Variants in GLDC observed in about 807,000 individuals in gnomAD.
The protein encoded by GLDC is glycine dehydrogenase (decarboxylating), mitochondrial.
In GLDC, 104 loss-of-function variants were observed where a neutral mutation model predicts 121.3. The ratio of observed to expected loss-of-function variants is 0.86; its 90% confidence interval spans 0.73 to 1.01. The LOEUF is 1.01. Ranked by LOEUF, GLDC falls within the 50% of genes least tolerant of loss-of-function variation. The probability of loss-of-function intolerance (pLI) is 0.00; values close to 1 mark genes in which losing one functional copy is unlikely to be tolerated. For missense variants in GLDC, 1,429 were observed against 1,306.6 expected (o/e 1.09, Z -1.44); for synonymous variants, 546 against 480.6 (o/e 1.14, Z -1.78).
At chr9:6,585,856 GTATGTATGTATGTATC>G (rs1374052348) in intron 15 of GLDC, among the ~76,000 whole-genome samples, 2 of 97,782 alleles carry the variant, frequency 2.0e-5, no homozygotes, top group Non-Finnish European at 4.9e-5. Context: ...ATGTATGTAT[GTATGTATGTATGTATC>G]TATCTATCTA....
At chr9:6,553,572 G>C in intron 19 of GLDC, 63 bp from the exon 20 acceptor site, 2 of 1,521,882 alleles carry the variant, frequency 1.3e-6, no homozygotes, top group Non-Finnish European at 1.8e-6. Flanking sequence ...TAATGGGAAG[G>C]TTCTGGGCCC....
intron 21 of GLDC, among the ~76,000 whole-genome samples, chr9:6,544,638 C>CAA (rs5896155): frequency 4.7e-5 from 5 of 105,674 alleles, no homozygotes; most frequent in South Asian, 3.0e-4. Context: ...GACTCTGTCT[C>CAA]AAAAAAAAAA....
At chr9:6,594,192 G>A (rs1044110017) in intron 9 of GLDC, among the ~76,000 whole-genome samples, 1 of 151,992 alleles carries the variant, frequency 6.6e-6, no homozygotes, top group Non-Finnish European at 1.5e-5. Context: ...GCTTTATTTT[G>A]TATCTCTTTC....
At chr9:6,645,184 C>T (rs568239267) in intron 1 of GLDC, 61 bp downstream of exon 1, 2 of 1,478,246 alleles carry the variant, frequency 1.4e-6, no homozygotes, top group Non-Finnish European at 1.8e-6. Context: ...CGGGAGGCCG[C>T]GCAGGCAGAG....
At chr9:6,611,291 C>A (rs573777770) in intron 3 of GLDC, among the ~76,000 whole-genome samples, 3 of 152,356 alleles carry the variant, frequency 2.0e-5, no homozygotes, top group Admixed American at 6.5e-5. Flanking sequence ...CAGGCGAGAG[C>A]TACCACACCT....
chr9:6,639,141 A>G, intron 2 of GLDC: 2 of 746,814 alleles, frequency 2.7e-6, no homozygotes, highest in Admixed American at 1.9e-5. Context: ...TTTTCACAAG[A>G]TGGCGCCGAA....
At position 6,554,964 on chromosome 9, in the gene GLDC, G is replaced by T. The variant is rs1817592295; in HGVS notation, c.2203-183C>A. 4 of 663,300 alleles carry T rather than the reference G, an allele frequency of 6.0e-6. No individual in the cohort carries two copies. The South Asian group carries it at 6.5e-5, about 11-fold the overall frequency. The allele number at this position is 663,300 out of a possible 1,614,324, so 41.1% of individuals were successfully genotyped here. A position where few individuals can be genotyped will look rare whatever the true frequency, so the allele number is the denominator to read the frequency against. ...GTTCCGTAGTCACAAACTGGCATCC[G>T]ATAGGCAGAGTGCTTGTGGTTGCTA... On this transcript the variant is annotated intron_variant, in intron 18 of 24. Coordinates refer to ENST00000321612, the MANE Select transcript of GLDC (RefSeq NM_000170.3).
chr9:6,617,079 C>G lies in GLDC; in HGVS notation c.470+3105G>C, dbSNP rs192245165. On this transcript the variant is annotated intron_variant, in intron 3 of 24. Coordinates refer to ENST00000321612, the MANE Select transcript of GLDC (RefSeq NM_000170.3). ...TGTTTGTTTTCTTTCGAGGCTATGTCATCCATTTATTTTCCCCTCACGTCT... is the reference window on the plus strand; with the variant it reads ...TGTTTGTTTTCTTTCGAGGCTATGTGATCCATTTATTTTCCCCTCACGTCT... Among the ~76,000 whole-genome samples, 3 of 152,224 alleles carry G rather than the reference C, an allele frequency of 2.0e-5. No homozygotes were observed. The East Asian group carries it at 5.8e-4, about 29-fold the overall frequency.
At chr9:6,620,952 G>A (rs1362707613) in intron 2 of GLDC, among the ~76,000 whole-genome samples, 1 of 152,176 alleles carries the variant, frequency 6.6e-6, no homozygotes, top group Admixed American at 6.5e-5. Flanking sequence ...CGGATCACCT[G>A]AGGTCAGGAG....
chr9:6,555,867 C>G (rs1817616126), intron 18 of GLDC, among the ~76,000 whole-genome samples: 1 of 152,150 alleles, frequency 6.6e-6, no homozygotes, highest in Non-Finnish European at 1.5e-5. Flanking sequence ...TCACTCCTCT[C>G]CTGCAGGGGC....
rs60752054 is a variant in GLDC, at chr9:6,622,159, GACACAC to G, written c.335-1846_335-1841del. Among the ~76,000 whole-genome samples, 954 of 145,412 alleles carry G rather than the reference GACACAC, an allele frequency of 6.6e-3. 7 individuals carry two copies. The highest frequency in any genetic ancestry group is 0.013 in the African/African-American group (523 of 39,694). On this transcript the variant is annotated intron_variant, in intron 2 of 24. Coordinates refer to ENST00000321612, the MANE Select transcript of GLDC (RefSeq NM_000170.3). ...TTTCACCCTCCACCACACACACACA[GACACAC>G]ACACACACACACACACACACACACA...
At chr9:6,623,612 T>TAA (rs1013956170) in intron 2 of GLDC, among the ~76,000 whole-genome samples, 1 of 137,826 alleles carries the variant, frequency 7.3e-6, no homozygotes, top group Non-Finnish European at 1.6e-5. Flanking sequence ...GAATGATCAA[T>TAA]AAAAAAAAAA....
intron 4 of GLDC, 36 bp downstream of exon 4, chr9:6,610,156 A>C: frequency 6.5e-7 from 1 of 1,548,862 alleles, no homozygotes; most frequent in Non-Finnish European, 8.8e-7. Context: ...GAGGTGGCCC[A>C]CAACTGGAAT....
At chr9:6,547,792 C>G (rs780113961) in intron 21 of GLDC, among the ~76,000 whole-genome samples, 5 of 152,082 alleles carry the variant, frequency 3.3e-5, no homozygotes, top group Non-Finnish European at 4.4e-5. Flanking sequence ...TATTTAGTGA[C>G]AGGGGAAAAT....
chr9:6,619,631 G>C (rs1446310793), intron 3 of GLDC, among the ~76,000 whole-genome samples: 1 of 152,178 alleles, frequency 6.6e-6, no homozygotes, highest in African/African-American at 2.4e-5. Context: ...GGGAGGCTGA[G>C]GCAGAAGAAT....
chr9:6,591,946 T>C (rs1399151896), intron 11 of GLDC, 197 bp downstream of exon 11: 2 of 578,488 alleles, frequency 3.5e-6, no homozygotes, highest in Non-Finnish European at 6.3e-6. Flanking sequence ...CCTGGGTGCA[T>C]AATACTGGCT....
chr9:6,587,547 C>T (rs1818295473), intron 14 of GLDC, among the ~76,000 whole-genome samples: 1 of 152,132 alleles, frequency 6.6e-6, no homozygotes, highest in Non-Finnish European at 1.5e-5. Flanking sequence ...GGAAGAAAAG[C>T]CCCCAAAACA....
Position 6,605,175 on chromosome 9 carries a change from C to G in GLDC, c.817G>C (p.Val273Leu). The G allele has an allele frequency of 6.2e-7, 1 of 1,613,548 alleles. No individual in the cohort carries two copies. Among genetic ancestry groups the G allele is most frequent in the Non-Finnish European group, 8.5e-7 (1 of 1,179,906 alleles). The change falls in exon 6 of 25, where the codon GTG (valine) becomes CTG (leucine). Residue 273 changes from valine to leucine, a missense_variant. Physicochemically the swap from Val to Leu is conservative, Grantham distance 32. Transcript: ENST00000321612. ...LFQYPDTEGKVEDFTELVERA... is the reference protein window; with the variant it reads ...LFQYPDTEGKLEDFTELVERA... ...TCCACGAGTTCCGTAAAGTCTTCCA[C>G]CTTCCCCTCCGTGTCTGGGTACTGG...
intron 21 of GLDC, among the ~76,000 whole-genome samples, chr9:6,548,688 G>A (rs1192364623): frequency 6.6e-6 from 1 of 152,116 alleles, no homozygotes; most frequent in African/African-American, 2.4e-5. Context: ...GCAGGCGGGT[G>A]GGCTGGTTCC....
Sources: gnomAD v4.1 joint callset for allele counts (sites outside exome capture counted in the v4.1 genomes callset) on GRCh38, gnomAD v4.1.1 for gene constraint, MANE v1.5 for transcripts, NCBI Gene and HGNC (gene_info 2026-07-23, HGNC 2026-07-21) for gene names.